SAE1: variants seen among roughly 807,000 people sequenced by gnomAD.
SAE1 encodes SUMO1 activating enzyme subunit 1.
SAE1 carries 11 observed loss-of-function variants against 40.6 expected under a neutral mutation model. The ratio of observed to expected loss-of-function variants is 0.27; its 90% CI spans 0.17 to 0.45. SAE1 has a LOEUF of 0.45. Ranked by LOEUF, SAE1 falls within the 20% of genes least tolerant of loss-of-function variation. The pLI is 1.00. For synonymous variants in SAE1, 155 were observed against 154.3 expected (o/e 1.00, Z -0.03); for missense variants, 373 against 427.3 (o/e 0.87, Z 1.12).
At chr19:47,153,735 T>G (rs1024535838) in intron 4 of SAE1, among the ~76,000 whole-genome samples, 7 of 152,200 alleles carry the variant, frequency 4.6e-5, no homozygotes, top group African/African-American at 1.7e-4. Flanking sequence ...AGACATCTCC[T>G]AACTCTAGTG....
chr19:47,150,191 A>T lies in SAE1; in HGVS notation c.211-11A>T. On this transcript the variant is annotated splice_polypyrimidine_tract_variant and intron_variant, in intron 2 of 8. Coordinates refer to ENST00000270225, the MANE Select transcript of SAE1 (RefSeq NM_005500.3). The stretch of plus-strand genomic sequence containing the variant: ...ATACAAGACTTAAAAAAATATGTGT[A>T]TTATTCCTAGGTAACTCCAGAAGAT... 1 of 1,548,614 alleles carries T rather than the reference A, an allele frequency of 6.5e-7. No individual in the cohort carries two copies. Among genetic ancestry groups the T allele is most frequent in the Non-Finnish European group, 8.7e-7 (1 of 1,149,000 alleles).
chr19:47,155,994 C>A (rs1204888324), intron 5 of SAE1, among the ~76,000 whole-genome samples: 5 of 151,874 alleles, frequency 3.3e-5, no homozygotes, highest in Non-Finnish European at 5.9e-5. Flanking sequence ...CTGCCTCAGC[C>A]CCACAAAGTG....
chr19:47,131,845 G>C (rs1267863163), intron 1 of SAE1, among the ~76,000 whole-genome samples: 1 of 150,802 alleles, frequency 6.6e-6, no homozygotes, highest in East Asian at 2.0e-4. Flanking sequence ...GGATTATAGG[G>C]GCCCGCCAGC....
At chr19:47,203,803 G>T in intron 8 of SAE1, 63 bp downstream of exon 8, 1 of 1,402,698 alleles carries the variant, frequency 7.1e-7, no homozygotes, top group Non-Finnish European at 1.0e-6. Flanking sequence ...CTGACAGAGA[G>T]AATGGAAACT....
intron 5 of SAE1, among the ~76,000 whole-genome samples, chr19:47,164,536 T>C (rs2058378440): frequency 6.6e-6 from 1 of 151,970 alleles, no homozygotes; most frequent in African/African-American, 2.4e-5. Context: ...ATTTTACCAG[T>C]CACCTATTGT....
chr19:47,196,916 C>T (rs961202590), intron 6 of SAE1, among the ~76,000 whole-genome samples: 7 of 152,012 alleles, frequency 4.6e-5, no homozygotes, highest in African/African-American at 1.4e-4. Context: ...GGTGCCGTGG[C>T]TCACACCTGT....
intron 6 of SAE1, among the ~76,000 whole-genome samples, chr19:47,189,618 A>G (rs199918350): frequency 6.6e-6 from 1 of 152,124 alleles, no homozygotes; most frequent in African/African-American, 2.4e-5. Context: ...GTCTACGTTC[A>G]GCTGCAGGGA....
At chr19:47,155,470 T>C (rs907489652) in intron 5 of SAE1, among the ~76,000 whole-genome samples, 20 of 150,848 alleles carry the variant, frequency 1.3e-4, no homozygotes, top group African/African-American at 3.0e-4. Flanking sequence ...CTTTTTTTTT[T>C]GTGTGTGTGA....
chr19:47,145,138 G>T (rs1600153979), intron 2 of SAE1, among the ~76,000 whole-genome samples: 1 of 152,202 alleles, frequency 6.6e-6, no homozygotes, highest in Non-Finnish European at 1.5e-5. Context: ...GAGTAGCTGG[G>T]ATTACAGGCA....
intron 1 of SAE1, 99 bp downstream of exon 1, chr19:47,131,127 G>C (rs953292895): frequency 6.9e-7 from 1 of 1,440,120 alleles, no homozygotes; most frequent in Non-Finnish European, 9.1e-7. Context: ...GATTTGAAGG[G>C]AGGAGGCGGG....
At chr19:47,207,377 G>C (rs1468150914) in intron 8 of SAE1, among the ~76,000 whole-genome samples, 1 of 152,178 alleles carries the variant, frequency 6.6e-6, no homozygotes, top group African/African-American at 2.4e-5. Flanking sequence ...GAGCAGTTCA[G>C]GATGTGTAGC....
rs547342758 is a variant in SAE1 at position 47,203,025 on chromosome 19, G to A, written c.879-646G>A. 3.3e-5 allele frequency among the ~76,000 whole-genome samples: 5 copies of A among 152,320 alleles called. No individual in the cohort carries two copies. The East Asian group carries it at 9.6e-4, about 29-fold the overall frequency. On this transcript the variant is annotated intron_variant, in intron 7 of 8. Coordinates refer to ENST00000270225, the MANE Select transcript of SAE1 (RefSeq NM_005500.3). Reference sequence around the variant, plus strand: ...TTGCTTGGTGAGCACACAGCATTGTGTTCAGGAGTAGGAGCTGGCAGAGCA... The same window carrying A: ...TTGCTTGGTGAGCACACAGCATTGTATTCAGGAGTAGGAGCTGGCAGAGCA...
At position 47,134,329 on chromosome 19, in the gene SAE1, G is replaced by C. The variant is rs372179818; in HGVS notation, c.98+3301G>C. Among the ~76,000 whole-genome samples, 3 of 151,962 alleles carry C rather than the reference G, an allele frequency of 2.0e-5. No homozygotes were observed. In the East Asian group the frequency reaches 5.8e-4, roughly 29 times the overall value. On this transcript the variant is annotated intron_variant, in intron 1 of 8. Coordinates refer to ENST00000270225, the MANE Select transcript of SAE1 (RefSeq NM_005500.3). ...TAGTTTGAGGGGGTGGGAGCTTTCA[G>C]AAGGTTTTAGAGGGTGCAGTGGTGG...
intron 2 of SAE1, among the ~76,000 whole-genome samples, chr19:47,144,823 T>C (rs1457423095): frequency 6.6e-6 from 1 of 152,160 alleles, no homozygotes; most frequent in Non-Finnish European, 1.5e-5. Context: ...TGATCTGACA[T>C]GCTGTTTGTT....
chr19:47,132,239 A>T (rs1175576886), intron 1 of SAE1, among the ~76,000 whole-genome samples: 2 of 150,654 alleles, frequency 1.3e-5, no homozygotes, highest in Admixed American at 6.6e-5. Flanking sequence ...GTTGGATTAC[A>T]GACGTGAGCC....
intron 5 of SAE1, among the ~76,000 whole-genome samples, chr19:47,161,704 G>T (rs2058360699): frequency 6.6e-6 from 1 of 152,146 alleles, no homozygotes; most frequent in African/African-American, 2.4e-5. Context: ...TTACTGGTAT[G>T]GTGAGGCCCT....
intron 7 of SAE1, among the ~76,000 whole-genome samples, chr19:47,203,411 T>C (rs1412521630): frequency 6.6e-6 from 1 of 152,224 alleles, no homozygotes; most frequent in Non-Finnish European, 1.5e-5. Context: ...GTCTTTCCTT[T>C]AACTTATAAA....
chr19:47,191,121 G>A (rs977046665), intron 6 of SAE1, among the ~76,000 whole-genome samples: 2 of 152,140 alleles, frequency 1.3e-5, no homozygotes, highest in African/African-American at 2.4e-5. Context: ...TGTAAAGTAG[G>A]ATGGGTAGGT....
At chr19:47,193,057 CTTT>C (rs869046931) in intron 6 of SAE1, among the ~76,000 whole-genome samples, 3 of 136,986 alleles carry the variant, frequency 2.2e-5, no homozygotes, top group African/African-American at 2.7e-5. Context: ...TGGTCACAGC[CTTT>C]TTTTTTTTTT....
Sources: gnomAD v4.1 joint callset for allele counts (sites outside exome capture counted in the v4.1 genomes callset) on GRCh38, gnomAD v4.1.1 for gene constraint, MANE v1.5 for transcripts, NCBI Gene and HGNC (gene_info 2026-07-23, HGNC 2026-07-21) for gene names.